Variants in CSGALNACT1 observed in about 807,000 individuals in gnomAD.
CSGALNACT1 encodes the protein chondroitin sulfate N-acetylgalactosaminyltransferase 1.
CSGALNACT1 carries 52 observed loss-of-function variants against 51.0 expected under a neutral mutation model. That is an observed-to-expected ratio of 1.02 (90% CI 0.82 to 1.29). The LOEUF is 1.29. Among genes scored for constraint, CSGALNACT1 ranks in the 50% most tolerant of loss-of-function variants. The pLI is 0.00. For synonymous variants in CSGALNACT1, 341 were observed against 254.4 expected (o/e 1.34, Z -3.24); for missense variants, 935 against 679.2 (o/e 1.38, Z -4.19).
At chr8:19,566,334 C>T (rs2041893509) in intron 3 of CSGALNACT1, among the ~76,000 whole-genome samples, 1 of 151,592 alleles carries the variant, frequency 6.6e-6, no homozygotes, top group Admixed American at 6.5e-5. Flanking sequence ...TTTGTTCTCT[C>T]CTGGAGTCTT....
intron 5 of CSGALNACT1, among the ~76,000 whole-genome samples, chr8:19,456,614 T>TA (rs1332284019): frequency 2.6e-5 from 4 of 152,052 alleles, no homozygotes; most frequent in African/African-American, 9.7e-5. Context: ...GCAAAAACAC[T>TA]AAAAGAAGGT....
chr8:19,474,607 C>G (rs1402256504), intron 4 of CSGALNACT1, among the ~76,000 whole-genome samples: 1 of 152,036 alleles, frequency 6.6e-6, no homozygotes, highest in Non-Finnish European at 1.5e-5. Flanking sequence ...GTGGCTCACA[C>G]CTATAATCCC....
intron 1 of CSGALNACT1, among the ~76,000 whole-genome samples, chr8:19,731,020 T>C (rs1344533447): frequency 6.6e-6 from 1 of 152,070 alleles, no homozygotes; most frequent in African/African-American, 2.4e-5. Flanking sequence ...AGGACAGGGA[T>C]CCCCACTGGA....
At chr8:19,629,929 C>G (rs1017131575) in intron 1 of CSGALNACT1, among the ~76,000 whole-genome samples, 4 of 152,110 alleles carry the variant, frequency 2.6e-5, no homozygotes, top group Non-Finnish European at 5.9e-5. Flanking sequence ...CTGAGACGCC[C>G]AGTAGGCCAG....
rs544973280 is a variant in CSGALNACT1 at position 19,656,839 on chromosome 8, G to T, written c.-544+25634C>A. Among the ~76,000 whole-genome samples the T allele has an allele frequency of 3.3e-5, 5 of 152,130 alleles. No homozygotes were observed. In the East Asian group the frequency reaches 9.7e-4, roughly 29 times the overall value. On this transcript the variant is annotated intron_variant, in intron 1 of 9. Coordinates refer to the CSGALNACT1 transcript ENST00000332246. ...TCCCAGCACTTTGGGAGGCCAAGGC[G>T]CGTGGATCACAAGGTCAGGAGTTCC...
At chr8:19,671,282 T>C (rs17128814) in intron 1 of CSGALNACT1, among the ~76,000 whole-genome samples, 9,618 of 152,288 alleles carry the variant, frequency 0.063, 372 homozygotes, top group African/African-American at 0.11. Flanking sequence ...TGCCTGCAAC[T>C]GGAAGGCTTT....
At chr8:19,643,219 A>T (rs549508312) in intron 1 of CSGALNACT1, among the ~76,000 whole-genome samples, 1 of 152,324 alleles carries the variant, frequency 6.6e-6, no homozygotes, top group East Asian at 1.9e-4. Flanking sequence ...AAATAATTTT[A>T]AAAAGTCAAT....
At chr8:19,622,651 T>C (rs559737684) in intron 1 of CSGALNACT1, among the ~76,000 whole-genome samples, 27 of 152,316 alleles carry the variant, frequency 1.8e-4, no homozygotes, top group African/African-American at 5.1e-4. Flanking sequence ...GTGGTAAAAG[T>C]ACTACTTTAA....
intron 1 of CSGALNACT1, among the ~76,000 whole-genome samples, chr8:19,742,524 C>T (rs1243392379): frequency 6.6e-6 from 1 of 152,232 alleles, no homozygotes; most frequent in East Asian, 1.9e-4. Flanking sequence ...CCTGGTCTGG[C>T]CCAGCTGCAG....
chr8:19,465,173 T>TG (rs1321443528), intron 4 of CSGALNACT1, among the ~76,000 whole-genome samples: 1 of 152,144 alleles, frequency 6.6e-6, no homozygotes, highest in Non-Finnish European at 1.5e-5. Flanking sequence ...TTAACAAGCA[T>TG]GGAAATTCGG....
chr8:19,755,090 A>T (rs1034999600), intron 1 of CSGALNACT1, among the ~76,000 whole-genome samples: 1 of 152,232 alleles, frequency 6.6e-6, no homozygotes, highest in African/African-American at 2.4e-5. Context: ...CCTGCCAGGC[A>T]CTGTGTTAGA....
chr8:19,586,024 C>T (rs908171168), intron 3 of CSGALNACT1, among the ~76,000 whole-genome samples: 6 of 152,180 alleles, frequency 3.9e-5, no homozygotes, highest in Admixed American at 3.3e-4. Context: ...TTTCTTTCAA[C>T]ATGAAACCAA....
At chr8:19,516,031 T>G (rs2079460183) in intron 3 of CSGALNACT1, among the ~76,000 whole-genome samples, 1 of 152,110 alleles carries the variant, frequency 6.6e-6, no homozygotes, top group Non-Finnish European at 1.5e-5. Context: ...CAAGGAGACC[T>G]GACTCCCGGA....
At chr8:19,443,595 C>A (rs1242955383) in intron 5 of CSGALNACT1, among the ~76,000 whole-genome samples, 1 of 152,132 alleles carries the variant, frequency 6.6e-6, no homozygotes, top group Non-Finnish European at 1.5e-5. Context: ...TTTATAAAAC[C>A]ATCAGATCTT....
chr8:19,710,749 C>A (rs549921911), intron 1 of CSGALNACT1, among the ~76,000 whole-genome samples: 88 of 152,274 alleles, frequency 5.8e-4, no homozygotes, highest in African/African-American at 2.1e-3. Flanking sequence ...TTACTTCTTA[C>A]CATTACTGTT....
At chr8:19,440,724 T>C (rs554349641) in intron 5 of CSGALNACT1, among the ~76,000 whole-genome samples, 80 of 151,702 alleles carry the variant, frequency 5.3e-4, no homozygotes, top group South Asian at 1.3e-3. Flanking sequence ...CCAGGGCAAT[T>C]AGGCAGGAGA....
exon 4 of CSGALNACT1, chr8:19,505,488 G>C (rs375858313): frequency 6.2e-7 from 1 of 1,614,122 alleles, no homozygotes; most frequent in South Asian, 1.1e-5. Flanking sequence ...GTCGGCCTGG[G>C]TTTTCTCTGG....
Position 19,494,730 on chromosome 8 carries a change from C to G in CSGALNACT1, c.634+10471G>C, listed in dbSNP as rs554119314. On this transcript the variant is annotated intron_variant, in intron 4 of 9. Transcript: ENST00000454498. ...CAATTTAATTTCCTCTGGTTCTGTT[C>G]TTTACAATCAGCACCCTGCCTATGG... Among the ~76,000 whole-genome samples the G allele has an allele frequency of 9.2e-5, 14 of 152,262 alleles. 1 individual carries two copies. In the South Asian group the frequency reaches 2.9e-3, roughly 32 times the overall value.
chr8:19,624,740 G>A lies in CSGALNACT1; in HGVS notation c.-543-22875C>T, dbSNP rs533863260. 1.9e-3 allele frequency among the ~76,000 whole-genome samples: 287 copies of A among 151,594 alleles called. 1 individual carries two copies. The highest frequency in any genetic ancestry group is 5.2e-3 in the African/African-American group (215 of 41,266). ...GTTGCCCAGGCTGGAGTGCAGTGGC[G>A]AGATCTCAGCTCACTGCAACTTCCG... is the stretch of plus-strand genomic sequence containing the variant. On this transcript the variant is annotated intron_variant, in intron 1 of 9. Transcript: ENST00000332246.
Sources: allele counts gnomAD v4.1 joint callset (sites outside exome capture counted in the v4.1 genomes callset), GRCh38; gene constraint gnomAD v4.1.1; transcripts MANE v1.5; gene names NCBI Gene and HGNC (gene_info 2026-07-23, HGNC 2026-07-21).